The following LIAS variants were observed in gnomAD, a reference collection of about 807,000 sequenced individuals.
LIAS encodes lipoyl synthase, mitochondrial.
LIAS carries 36 observed loss-of-function variants against 49.4 expected under a neutral mutation model. The ratio of observed to expected loss-of-function variants is 0.73; its 90% CI spans 0.56 to 0.96. LIAS has a LOEUF of 0.96. LIAS is among the 40% of genes least tolerant of loss of function. The pLI is 0.00. For synonymous variants in LIAS, 145 were observed against 155.8 expected, an observed-to-expected ratio of 0.93 and a Z score of 0.52; for missense variants, 399 against 456.3, an observed-to-expected ratio of 0.87 and a Z score of 1.14.
Position 39,472,992 on chromosome 4 carries a change from G to A in LIAS, c.955-108G>A. ...AGAGGACAAAAGCCTGGGGGTGGGG[G>A]CAAGATAAATTACGCAGTGAAGAGC... On this transcript the variant is annotated intron_variant, in intron 9 of 10. Transcript: ENST00000640888. 7.7e-6 allele frequency: 5 copies of A among 647,422 alleles called. No individual in the cohort carries two copies. The South Asian group carries it at 9.9e-5, about 13-fold the overall frequency. 40.1% of individuals were successfully genotyped at this position (647,422 alleles called of 1,614,324 possible).
rs1390405070 is a variant in LIAS at position 39,477,904 on chromosome 4, A to G, written c.*789A>G. The G allele has an allele frequency of 6.6e-6, 1 of 152,060 alleles. No homozygotes were observed. Among genetic ancestry groups the G allele is most frequent in the Non-Finnish European group, 1.5e-5 (1 of 68,016 alleles). The allele number at this position is 152,060 out of a possible 1,614,324, so 9.4% of individuals were successfully genotyped here. ...AGAGGATCACTTGAACCTGGAAAGCAGAGGTTGCAATGAGCTGAGGTGGTG... is the reference window on the plus strand; with the variant it reads ...AGAGGATCACTTGAACCTGGAAAGCGGAGGTTGCAATGAGCTGAGGTGGTG... On this transcript the variant is annotated 3_prime_UTR_variant, in exon 11 of 11. Coordinates refer to ENST00000640888, the MANE Select transcript of LIAS (RefSeq NM_006859.4).
At chr4:39,473,234 G>T (rs760570215) in intron 10 of LIAS, 23 bp downstream of exon 10, 30 of 1,413,602 alleles carry the variant, frequency 2.1e-5, no homozygotes, top group Non-Finnish European at 2.9e-5. Context: ...GTGGGGCATG[G>T]TTTCATTTAG....
Position 39,459,161 on chromosome 4 carries a change from G to C in LIAS, c.44G>C (p.Arg15Pro), listed in dbSNP as rs184218786. ...GATGCAGCCCGCACCCTGGGGCCCCGGGTGAGCGGCGGGGCGAACGGGTTT... is the reference window on the plus strand; with the variant it reads ...GATGCAGCCCGCACCCTGGGGCCCCCGGTGAGCGGCGGGGCGAACGGGTTT... ...CGDAARTLGP[R>P]VFGRYFCSPV... Residue 15 changes from arginine (R) to proline (P), a missense_variant and splice_region_variant, in exon 1 of 11, where the codon CGG (arginine) becomes CCG (proline). Physicochemically the swap from Arg to Pro is moderately radical, Grantham distance 103 (BLOSUM62 -2). Transcript: ENST00000640888. The C allele has an allele frequency of 3.1e-6, 5 of 1,612,876 alleles. No individual in the cohort carries two copies. The African/African-American group carries it at 4.0e-5, about 13-fold the overall frequency.
chr4:39,459,134 G>A lies in LIAS; in HGVS notation c.17G>A (p.Gly6Glu), dbSNP rs1744293519. The A allele has an allele frequency of 1.8e-5, 29 of 1,613,960 alleles. No homozygotes were observed. The highest frequency in any genetic ancestry group is 2.5e-5 in the Non-Finnish European group (29 of 1,180,018). ...AAAGAGGAAATGTCTCTACGCTGCGGGGATGCAGCCCGCACCCTGGGGCCC... is the reference window on the plus strand; with the variant it reads ...AAAGAGGAAATGTCTCTACGCTGCGAGGATGCAGCCCGCACCCTGGGGCCC... MSLRC[G>E]DAARTLGPRV... The change falls in exon 1 of 11, where the codon GGG becomes GAG. Residue 6 changes from glycine to glutamate, a missense_variant. Physicochemically the swap from Gly to Glu is moderately conservative, Grantham distance 98. This residue lies in a region of LIAS where 159 missense variants were observed against 147.6 expected (regional missense o/e 1.08). Transcript: ENST00000640888.
chr4:39,468,280 G>A (rs1177630614), intron 7 of LIAS: 1 of 151,530 alleles, frequency 6.6e-6, no homozygotes, highest in Non-Finnish European at 1.5e-5. Flanking sequence ...GGGAGTTCGA[G>A]ACCAGCCTGA....
At chr4:39,471,506 A>G (rs186600763) in intron 9 of LIAS, among the ~76,000 whole-genome samples, 200 bp downstream of exon 9, 2 of 137,792 alleles carry the variant, frequency 1.5e-5, no homozygotes, top group East Asian at 4.1e-4. Flanking sequence ...GCTAAAATAT[A>G]CATATATATA....
In LIAS at chr4:39,471,326, CTTT is replaced by C. The variant is rs67611743; in HGVS notation, c.954+35_954+37del. ...CTTAAGGTACATGTATCTTGATTTGCTTTTTTTTTTTTTTTTTATTTTTAAAGA... is the reference window on the plus strand; with the variant it reads ...CTTAAGGTACATGTATCTTGATTTGCTTTTTTTTTTTTTTATTTTTAAAGA... On this transcript the variant is annotated intron_variant, in intron 9 of 10. Transcript: ENST00000640888. The C allele has an allele frequency of 0.014, 17,456 of 1,229,636 alleles. 4 individuals are homozygous for C. Among genetic ancestry groups the C allele is most frequent in the Non-Finnish European group, 0.015 (13,689 of 897,950 alleles). 76.2% of individuals were successfully genotyped at this position (1,229,636 alleles called of 1,614,324 possible). A position where few individuals can be genotyped will look rare whatever the true frequency, so the allele number is the denominator to read the frequency against.
intron 1 of LIAS, 26 bp downstream of exon 1, chr4:39,459,188 G>GGC (rs1744304193): frequency 1.1e-5 from 18 of 1,607,060 alleles, no homozygotes; most frequent in Non-Finnish European, 1.5e-5. Context: ...AACGGGTTTG[G>GGC]GCGTGGGGTG....
chr4:39,475,422 T>A (rs894546679), intron 10 of LIAS: 1 of 83,804 alleles, frequency 1.2e-5, no homozygotes, highest in Non-Finnish European at 2.5e-5. Context: ...AACTAGGTAT[T>A]TTTTTTTTTT....
At position 39,470,131 on chromosome 4, in the gene LIAS, G is replaced by A. The variant is rs796052699; in HGVS notation, c.850G>A (p.Glu284Lys). The A allele has an allele frequency of 5.6e-6, 9 of 1,613,628 alleles. No homozygotes were observed. Among genetic ancestry groups the A allele is most frequent in the Admixed American group, 5.0e-5 (3 of 59,960 alleles). ...AACATCTATAATGTTGGGTTTAGGC[G>A]AGAATGATGAGCAAGTATATGCAAC... ...SKTSIMLGLG[E>K]NDEQVYATMK... is the part of the protein sequence containing the mutation. The change falls in exon 8 of 11, where the codon GAG becomes AAG. Residue 284 changes from glutamate (E) to lysine (K), a missense_variant. Physicochemically the swap from Glu to Lys is moderately conservative, Grantham distance 56. Coordinates refer to ENST00000640888, the MANE Select transcript of LIAS (RefSeq NM_006859.4).
In LIAS at chr4:39,471,337, T is replaced by A. The variant is rs568810974; in HGVS notation, c.954+31T>A. 518 of 1,552,582 alleles carry A rather than the reference T, an allele frequency of 3.3e-4. 3 individuals carry two copies. In the African/African-American group the frequency reaches 5.1e-3, roughly 15 times the overall value. On this transcript the variant is annotated intron_variant, in intron 9 of 10. Transcript: ENST00000640888. ...TGTATCTTGATTTGCTTTTTTTTTTTTTTTTTATTTTTAAAGATGGAGTTT... is the reference window on the plus strand; with the variant it reads ...TGTATCTTGATTTGCTTTTTTTTTTATTTTTTATTTTTAAAGATGGAGTTT...
At chr4:39,462,071 G>T in intron 2 of LIAS, 125 bp from the exon 3 acceptor site, 1 of 407,650 alleles carries the variant, frequency 2.5e-6, no homozygotes, top group Non-Finnish European at 4.4e-6. Flanking sequence ...GAAATTATAA[G>T]AGTTATTCTA....
Position 39,470,301 on chromosome 4 carries a change from C to A in LIAS, c.883+137C>A, listed in dbSNP as rs74452519. ...GCAGCATGAAAAGGAAACCAACTTG[C>A]ACATGCACCCTCAAATCTAAAATAC... is the stretch of plus-strand genomic sequence containing the variant. On this transcript the variant is annotated intron_variant, in intron 8 of 10. Transcript: ENST00000640888. 3.9e-3 allele frequency: 2,105 copies of A among 545,162 alleles called. 77 individuals carry two copies. In the East Asian group the frequency reaches 0.059, roughly 15 times the overall value. The allele number at this position is 545,162 out of a possible 1,614,324, so 33.8% of individuals were successfully genotyped here.
rs1745222598 is a variant in LIAS at position 39,477,191 on chromosome 4, T to C, written c.*76T>C. The C allele has an allele frequency of 8.9e-6, 10 of 1,118,132 alleles. No individual in the cohort carries two copies. The highest frequency in any genetic ancestry group is 4.0e-6 in the Non-Finnish European group (3 of 757,882). The allele number at this position is 1,118,132 out of a possible 1,614,324, so 69.3% of individuals were successfully genotyped here. The stretch of plus-strand genomic sequence containing the variant: ...GTTAATAACAGAGGTGGTGCCAGAA[T>C]GCCTGGACTGCAGTGGATGTGCCCC... On this transcript the variant is annotated 3_prime_UTR_variant, in exon 11 of 11. Transcript: ENST00000640888.
chr4:39,460,716 A>T, intron 1 of LIAS, 74 bp from the exon 2 acceptor site: 1 of 1,260,660 alleles, frequency 7.9e-7, no homozygotes, highest in Non-Finnish European at 1.1e-6. Flanking sequence ...CCTTCCGTTT[A>T]GGTGTTATGA....
In LIAS at chr4:39,470,147, T is replaced by G; in HGVS notation, c.866T>G (p.Val289Gly). 6.2e-7 allele frequency: 1 copy of G among 1,611,214 alleles called. No homozygotes were observed. Residue 289 changes from valine to glycine, a missense_variant, in exon 8 of 11, where the codon GTA becomes GGA. Around this residue, in one of 3 missense-constraint regions of LIAS, gnomAD observed 234 missense variants for 292.2 expected, o/e 0.80. Transcript: ENST00000640888. ...GGTTTAGGCGAGAATGATGAGCAAGTATATGCAACAATGAAAGGTAAAGAA... is the reference window on the plus strand; with the variant it reads ...GGTTTAGGCGAGAATGATGAGCAAGGATATGCAACAATGAAAGGTAAAGAA... The part of the protein sequence containing the change: ...MLGLGENDEQ[V>G]YATMKALREA...
rs751022997 is a variant in LIAS, at chr4:39,478,213, G to A, written c.*1098G>A. ...TGGAATAATTTAGAAAGGCTTAAGA[G>A]TGAATGTTGGCCAGATGTGGTGGCT... On this transcript the variant is annotated 3_prime_UTR_variant, in exon 11 of 11. Coordinates refer to ENST00000640888, the MANE Select transcript of LIAS (RefSeq NM_006859.4). 1 of 152,164 alleles carries A rather than the reference G, an allele frequency of 6.6e-6. No individual in the cohort carries two copies. The highest frequency in any genetic ancestry group is 1.5e-5 in the Non-Finnish European group (1 of 68,028). The allele number at this position is 152,164 out of a possible 1,614,324, so 9.4% of individuals were successfully genotyped here. A position where few individuals can be genotyped will look rare whatever the true frequency, so the allele number is the denominator to read the frequency against.
rs146233694 is a variant in LIAS at position 39,470,664 on chromosome 4, T to C, written c.883+500T>C. On this transcript the variant is annotated intron_variant, in intron 8 of 10. Coordinates refer to ENST00000640888, the MANE Select transcript of LIAS (RefSeq NM_006859.4). ...TTTGTGATTCTTGGACTTTTTAAAC[T>C]TTGGAATTTCAAAGTTTTAATTTTA... 5.8e-3 allele frequency: 917 copies of C among 157,052 alleles called. 8 individuals are homozygous for C. Among genetic ancestry groups the C allele is most frequent in the African/African-American group, 0.021 (867 of 41,598 alleles). The allele number at this position is 157,052 out of a possible 1,614,324, so 9.7% of individuals were successfully genotyped here. A position where few individuals can be genotyped will look rare whatever the true frequency, so the allele number is the denominator to read the frequency against.
At chr4:39,463,671 T>C in intron 4 of LIAS, 66 bp downstream of exon 4, 1 of 1,517,454 alleles carries the variant, frequency 6.6e-7, no homozygotes, top group Non-Finnish European at 8.9e-7. Context: ...TGTGTCTTCC[T>C]CCTAAAAATG....
Sources: gnomAD v4.1 joint callset for allele counts (sites outside exome capture counted in the v4.1 genomes callset) on GRCh38, gnomAD v4.1.1 for gene constraint, gnomAD v4.1.1 regional missense constraint, MANE v1.5 for transcripts, NCBI Gene and HGNC (gene_info 2026-07-23, HGNC 2026-07-21) for gene names.